LRRC4C: variants seen among roughly 807,000 people sequenced by gnomAD.
LRRC4C encodes leucine rich repeat containing 4C, also known as leucine-rich repeat-containing protein 4C.
Under a neutral mutation model 33.6 loss-of-function variants are expected in LRRC4C, and 5 were observed. The observed-to-expected ratio is 0.15, with a 90% CI of 0.08 to 0.31. The LOEUF (loss-of-function observed/expected upper bound fraction) is 0.31, where lower values mean the gene tolerates loss of function less well. Ranked by LOEUF, LRRC4C falls within the 10% of genes least tolerant of loss-of-function variation. The pLI, the probability that LRRC4C is intolerant of heterozygous loss-of-function variation, is 1.00. For missense variants in LRRC4C, 560 were observed against 796.7 expected, an observed-to-expected ratio of 0.70 and a Z score of 3.58; for synonymous variants, 329 against 302.0, an observed-to-expected ratio of 1.09 and a Z score of -0.93.
chr11:40,663,741 G>T (rs1300476353), intron 2 of LRRC4C, among the ~76,000 whole-genome samples: 7 of 152,122 alleles, frequency 4.6e-5, no homozygotes, highest in Admixed American at 4.6e-4. Context: ...TTCTAAATTT[G>T]TACCTAATAA....
At chr11:40,918,520 C>T (rs1181131518) in intron 2 of LRRC4C, among the ~76,000 whole-genome samples, 2 of 152,012 alleles carry the variant, frequency 1.3e-5, no homozygotes, top group Non-Finnish European at 2.9e-5. Context: ...CTACTAGATG[C>T]ATCATGCCCT....
chr11:40,167,277 A>T (rs968907081), intron 5 of LRRC4C, among the ~76,000 whole-genome samples: 3 of 152,176 alleles, frequency 2.0e-5, no homozygotes, highest in African/African-American at 7.2e-5. Flanking sequence ...CTTGTAGCAG[A>T]TGTAGTGAGT....
chr11:40,764,656 G>A (rs1949367556), intron 2 of LRRC4C, among the ~76,000 whole-genome samples: 1 of 152,140 alleles, frequency 6.6e-6, no homozygotes, highest in African/African-American at 2.4e-5. Context: ...CAGGTCTTGG[G>A]TGAGACCCAG....
At chr11:41,330,765 A>T (rs1467135198) in intron 1 of LRRC4C, among the ~76,000 whole-genome samples, 1 of 151,978 alleles carries the variant, frequency 6.6e-6, no homozygotes. Flanking sequence ...ACGTTTTATA[A>T]GATTATAAAT....
intron 2 of LRRC4C, among the ~76,000 whole-genome samples, chr11:40,800,817 A>G (rs1373205744): frequency 1.3e-5 from 2 of 152,150 alleles, no homozygotes; most frequent in Non-Finnish European, 2.9e-5. Flanking sequence ...TTGATGTCCT[A>G]TTGAATATAA....
At chr11:40,631,555 G>A (rs756104447) in intron 3 of LRRC4C, among the ~76,000 whole-genome samples, 4 of 152,126 alleles carry the variant, frequency 2.6e-5, no homozygotes, top group Non-Finnish European at 5.9e-5. Context: ...ACTTCATCAA[G>A]TTATTTATAT....
At chr11:41,084,309 C>T (rs1939795915) in intron 1 of LRRC4C, among the ~76,000 whole-genome samples, 1 of 152,104 alleles carries the variant, frequency 6.6e-6, no homozygotes, top group African/African-American at 2.4e-5. Context: ...TGATCTTGGG[C>T]AAATTACTTA....
At chr11:41,430,455 A>C (rs934376727) in intron 1 of LRRC4C, among the ~76,000 whole-genome samples, 1 of 152,140 alleles carries the variant, frequency 6.6e-6, no homozygotes, top group Non-Finnish European at 1.5e-5. Context: ...CTGTTGTGCC[A>C]GTTCCTAGAC....
chr11:40,714,393 T>C (rs921785383), intron 2 of LRRC4C, among the ~76,000 whole-genome samples: 4 of 152,226 alleles, frequency 2.6e-5, no homozygotes, highest in African/African-American at 9.6e-5. Flanking sequence ...TACTATTTCT[T>C]AATTATCTCA....
At chr11:40,425,343 G>A (rs945820542) in intron 3 of LRRC4C, among the ~76,000 whole-genome samples, 1 of 152,144 alleles carries the variant, frequency 6.6e-6, no homozygotes, top group Admixed American at 6.5e-5. Context: ...CCAGCAGGGG[G>A]ATATGCACAC....
chr11:40,159,437 G>A (rs1590567382), intron 5 of LRRC4C, among the ~76,000 whole-genome samples: 1 of 152,136 alleles, frequency 6.6e-6, no homozygotes, highest in African/African-American at 2.4e-5. Context: ...AAACATCCCA[G>A]TGCAGGCCAG....
chr11:40,930,299 T>C (rs1315696801), intron 2 of LRRC4C, among the ~76,000 whole-genome samples: 2 of 152,192 alleles, frequency 1.3e-5, no homozygotes, highest in Non-Finnish European at 2.9e-5. Flanking sequence ...TTTCACTTTT[T>C]CTTTCTTATT....
intron 3 of LRRC4C, among the ~76,000 whole-genome samples, chr11:40,336,859 C>T (rs1167266820): frequency 3.0e-4 from 45 of 150,686 alleles, no homozygotes; most frequent in Admixed American, 3.0e-3. Context: ...CGCCTGTAGT[C>T]CCAGCTACTC....
rs948459741 is a variant in LRRC4C, at chr11:41,407,755, C to T, written c.-496+51676G>A. 4.6e-5 allele frequency among the ~76,000 whole-genome samples: 7 copies of T among 152,064 alleles called. No homozygotes were observed. In the South Asian group the frequency reaches 1.0e-3, roughly 23 times the overall value. ...ATCGAGAATCTATAGTGTCTTGGTACGATTCTTATTTCAAATATTCTGTTT... is the reference window on the plus strand; with the variant it reads ...ATCGAGAATCTATAGTGTCTTGGTATGATTCTTATTTCAAATATTCTGTTT... On this transcript the variant is annotated intron_variant, in intron 1 of 6. Coordinates refer to ENST00000528697, the MANE Select transcript of LRRC4C (RefSeq NM_001258419.2).
chr11:41,046,294 G>C (rs953631885), intron 1 of LRRC4C, among the ~76,000 whole-genome samples: 5 of 152,054 alleles, frequency 3.3e-5, no homozygotes, highest in African/African-American at 1.2e-4. Context: ...TTACAGACAA[G>C]GACACCCTTG....
chr11:41,021,216 T>C (rs796566403), intron 1 of LRRC4C, among the ~76,000 whole-genome samples: 2 of 123,406 alleles, frequency 1.6e-5, no homozygotes, highest in African/African-American at 7.0e-5. Flanking sequence ...AGAGAGAGAG[T>C]GTGTGTGTGT....
chr11:40,924,016 G>C (rs1957301571), intron 2 of LRRC4C, among the ~76,000 whole-genome samples: 1 of 150,308 alleles, frequency 6.7e-6, no homozygotes, highest in Non-Finnish European at 1.5e-5. Flanking sequence ...GTAATTAAAG[G>C]AAATAAAGTC....
intron 5 of LRRC4C, among the ~76,000 whole-genome samples, chr11:40,198,546 T>G (rs1862451072): frequency 6.6e-6 from 1 of 152,254 alleles, no homozygotes; most frequent in Non-Finnish European, 1.5e-5. Context: ...ATTTATTTAT[T>G]CCTTTGAGAG....
chr11:40,984,387 GA>G, intron 1 of LRRC4C, among the ~76,000 whole-genome samples: 1 of 76,336 alleles, frequency 1.3e-5, no homozygotes, highest in South Asian at 3.1e-4. Flanking sequence ...AAGAAAGAAA[GA>G]AAGAAAGAAA....
Sources: gnomAD v4.1 joint callset for allele counts (sites outside exome capture counted in the v4.1 genomes callset) on GRCh38, gnomAD v4.1.1 for gene constraint, MANE v1.5 for transcripts, NCBI Gene and HGNC (gene_info 2026-07-23, HGNC 2026-07-21) for gene names.